The following LRP1B variants were observed in gnomAD, a reference collection of about 807,000 sequenced individuals.
The protein encoded by LRP1B is low-density lipoprotein receptor-related protein 1B.
LRP1B carries 217 observed loss-of-function variants against 556.6 expected under a neutral mutation model. The ratio of observed to expected loss-of-function variants is 0.39; its 90% CI spans 0.35 to 0.44. LRP1B has a LOEUF of 0.44. Ranked by LOEUF, LRP1B falls within the 20% of genes least tolerant of loss-of-function variation. The probability of loss-of-function intolerance (pLI) is 1.00; values close to 1 mark genes in which losing one functional copy is unlikely to be tolerated. For missense variants in LRP1B, 5,053 were observed against 5,620.8 expected (o/e 0.90, Z 3.23); for synonymous variants, 2,047 against 1,865.8 (o/e 1.10, Z -2.50).
chr2:140,779,067 G>C (rs1355269730), intron 32 of LRP1B, among the ~76,000 whole-genome samples: 1 of 143,580 alleles, frequency 7.0e-6, no homozygotes, highest in Non-Finnish European at 1.5e-5. Flanking sequence ...AAAACTCTTA[G>C]GGATCTCAAT....
chr2:140,716,536 G>A (rs1263989901), intron 36 of LRP1B, 146 bp downstream of exon 36: 4 of 737,330 alleles, frequency 5.4e-6, no homozygotes, highest in Non-Finnish European at 8.2e-6. Context: ...AAGGAGCGAA[G>A]CCAAAAGCAA....
At chr2:141,387,633 C>A (rs1689878375) in intron 3 of LRP1B, among the ~76,000 whole-genome samples, 1 of 152,014 alleles carries the variant, frequency 6.6e-6, no homozygotes, top group Admixed American at 6.6e-5. Context: ...AAAATCTTAA[C>A]AGATGTATAA....
intron 1 of LRP1B, among the ~76,000 whole-genome samples, chr2:141,830,821 T>C (rs1247995249): frequency 6.6e-6 from 1 of 151,814 alleles, no homozygotes; most frequent in African/African-American, 2.4e-5. Context: ...AGACACTGGG[T>C]CCCAAACTGA....
At chr2:140,904,337 C>G (rs1459365710) in intron 22 of LRP1B, among the ~76,000 whole-genome samples, 1 of 151,978 alleles carries the variant, frequency 6.6e-6, no homozygotes, top group East Asian at 1.9e-4. Context: ...GAAGCTTTGT[C>G]TTTCTTGGCT....
chr2:140,995,507 TG>T (rs891248249), intron 15 of LRP1B, among the ~76,000 whole-genome samples: 6 of 152,026 alleles, frequency 3.9e-5, no homozygotes, highest in Non-Finnish European at 8.8e-5. Context: ...TTATGCTGGG[TG>T]TGTAGTTTTG....
chr2:141,085,026 A>G (rs1016018155), intron 7 of LRP1B, among the ~76,000 whole-genome samples: 1 of 151,924 alleles, frequency 6.6e-6, no homozygotes, highest in Non-Finnish European at 1.5e-5. Flanking sequence ...AATTTATTAT[A>G]CTGAAAGTTT....
At chr2:140,585,817 C>A (rs1029968912) in intron 43 of LRP1B, among the ~76,000 whole-genome samples, 2 of 152,094 alleles carry the variant, frequency 1.3e-5, no homozygotes, top group African/African-American at 4.8e-5. Flanking sequence ...ACACAATCAA[C>A]CATCTTTATT....
chr2:142,007,117 T>C (rs1157656355), intron 1 of LRP1B, among the ~76,000 whole-genome samples: 3 of 152,320 alleles, frequency 2.0e-5, no homozygotes, highest in Non-Finnish European at 2.9e-5. Context: ...TATAGTAACA[T>C]GTTAACTCAA....
intron 32 of LRP1B, among the ~76,000 whole-genome samples, chr2:140,812,302 A>G (rs929436940): frequency 3.9e-5 from 6 of 152,100 alleles, no homozygotes; most frequent in Non-Finnish European, 8.8e-5. Flanking sequence ...ATAGGCAGAT[A>G]TTTTAATGTC....
chr2:140,496,685 T>A (rs985150185), intron 55 of LRP1B, among the ~76,000 whole-genome samples: 1 of 152,042 alleles, frequency 6.6e-6, no homozygotes, highest in Non-Finnish European at 1.5e-5. Flanking sequence ...CTGTTCTCAG[T>A]CCCTGCCAGG....
chr2:141,973,255 A>G (rs1701795910), intron 1 of LRP1B, among the ~76,000 whole-genome samples: 1 of 151,706 alleles, frequency 6.6e-6, no homozygotes, highest in Non-Finnish European at 1.5e-5. Context: ...CTCTTTATTG[A>G]TTAAAATCAA....
chr2:142,007,616 T>C (rs1702841077), intron 1 of LRP1B, among the ~76,000 whole-genome samples: 1 of 152,216 alleles, frequency 6.6e-6, no homozygotes, highest in Non-Finnish European at 1.5e-5. Context: ...AAATTTGGCA[T>C]GTTTACTTTC....
chr2:142,048,081 C>A (rs1251023529), intron 1 of LRP1B, among the ~76,000 whole-genome samples: 1 of 151,954 alleles, frequency 6.6e-6, no homozygotes, highest in African/African-American at 2.4e-5. Flanking sequence ...CATAAGTGAC[C>A]ATTTTTTCTG....
chr2:140,587,431 A>G (rs1226299587), intron 43 of LRP1B, among the ~76,000 whole-genome samples: 1 of 152,204 alleles, frequency 6.6e-6, no homozygotes, highest in Non-Finnish European at 1.5e-5. Context: ...TTGTGACAAC[A>G]TGGGTGAACT....
intron 11 of LRP1B, among the ~76,000 whole-genome samples, chr2:141,032,818 T>TACATACATACATACATAC (rs1698411329): frequency 7.1e-6 from 1 of 141,738 alleles, no homozygotes; most frequent in Non-Finnish European, 1.5e-5. Flanking sequence ...TGTGTATATA[T>TACATACATACATACATAC]ATACATACAT....
chr2:141,472,484 G>A (rs147805785), intron 3 of LRP1B, among the ~76,000 whole-genome samples: 43 of 152,280 alleles, frequency 2.8e-4, no homozygotes, highest in African/African-American at 8.2e-4. Context: ...AGGTTGCAAT[G>A]AGCTGAAATT....
intron 3 of LRP1B, among the ~76,000 whole-genome samples, chr2:141,270,168 T>C (rs1685036533): frequency 6.6e-6 from 1 of 151,952 alleles, no homozygotes; most frequent in Admixed American, 6.6e-5. Flanking sequence ...TTGCCAATAA[T>C]CATATGTAAA....
intron 23 of LRP1B, among the ~76,000 whole-genome samples, chr2:140,902,243 C>T (rs899996724): frequency 1.3e-5 from 2 of 152,054 alleles, no homozygotes; most frequent in Non-Finnish European, 2.9e-5. Context: ...GGATGGGAAG[C>T]GATACTTCTT....
At chr2:141,090,528 T>C (rs1012124542) in intron 7 of LRP1B, among the ~76,000 whole-genome samples, 6 of 152,224 alleles carry the variant, frequency 3.9e-5, no homozygotes, top group African/African-American at 1.4e-4. Flanking sequence ...AGCATAGAAA[T>C]GTCAGAAGTC....
Sources: gnomAD v4.1 joint callset for allele counts (sites outside exome capture counted in the v4.1 genomes callset) on GRCh38, gnomAD v4.1.1 for gene constraint, MANE v1.5 for transcripts, NCBI Gene and HGNC (gene_info 2026-07-23, HGNC 2026-07-21) for gene names.